SIK3: variants seen among roughly 807,000 people sequenced by gnomAD.
The protein encoded by SIK3 is SIK family kinase 3.
A neutral mutation model predicts 144.2 loss-of-function variants in SIK3; 28 were observed. The observed-to-expected ratio is 0.19, with a 90% CI of 0.14 to 0.27. The LOEUF is 0.27. Ranked by LOEUF, SIK3 falls within the 10% of genes least tolerant of loss-of-function variation. The pLI is 1.00. For missense variants in SIK3, 1,319 were observed against 1,776.0 expected, an observed-to-expected ratio of 0.74 and a Z score of 4.62; for synonymous variants, 686 against 676.3, an observed-to-expected ratio of 1.01 and a Z score of -0.22.
chr11:116,860,722 A>G (rs1169831708), intron 19 of SIK3, among the ~76,000 whole-genome samples: 1 of 148,146 alleles, frequency 6.8e-6, no homozygotes. Context: ...GAGAAGTAAT[A>G]TGGTTTGGCT....
intron 1 of SIK3, among the ~76,000 whole-genome samples, chr11:117,018,069 G>A (rs1951609802): frequency 6.6e-6 from 1 of 152,120 alleles, no homozygotes; most frequent in Non-Finnish European, 1.5e-5. Flanking sequence ...TATGAGAACA[G>A]AGGAAACCCC....
intron 3 of SIK3, among the ~76,000 whole-genome samples, 166 bp downstream of exon 3, chr11:116,953,878 C>T (rs1017109492): frequency 6.6e-6 from 1 of 152,180 alleles, no homozygotes; most frequent in Non-Finnish European, 1.5e-5. Flanking sequence ...AGGGATTTTA[C>T]TAGATTAATC....
chr11:117,004,475 C>T (rs1950970064), intron 1 of SIK3, among the ~76,000 whole-genome samples: 1 of 152,044 alleles, frequency 6.6e-6, no homozygotes. Context: ...AAGATTGTGC[C>T]ACTGCACTCC....
At chr11:116,851,570 G>A (rs752337999) in intron 21 of SIK3, among the ~76,000 whole-genome samples, 1 of 152,164 alleles carries the variant, frequency 6.6e-6, no homozygotes, top group Non-Finnish European at 1.5e-5. Context: ...AATTAGAGGA[G>A]GGAGCTTCCC....
chr11:116,966,648 T>A (rs1227875765), intron 1 of SIK3, among the ~76,000 whole-genome samples: 1 of 151,786 alleles, frequency 6.6e-6, no homozygotes, highest in Non-Finnish European at 1.5e-5. Flanking sequence ...GTGTTCAACC[T>A]ACAACTTATA....
intron 3 of SIK3, among the ~76,000 whole-genome samples, chr11:116,947,049 T>C (rs1037632357): frequency 1.3e-5 from 2 of 148,724 alleles, no homozygotes; most frequent in African/African-American, 5.0e-5. Flanking sequence ...GACGTGGAGC[T>C]TGCAGTGAGC....
chr11:116,939,991 A>T (rs1160251588), intron 3 of SIK3, among the ~76,000 whole-genome samples: 3 of 152,204 alleles, frequency 2.0e-5, no homozygotes, highest in Non-Finnish European at 4.4e-5. Context: ...AGAAAGCTAA[A>T]CATGCCCTGG....
chr11:116,875,583 G>A (rs376560460), intron 9 of SIK3, 132 bp from the exon 10 acceptor site: 71 of 998,182 alleles, frequency 7.1e-5, no homozygotes, highest in East Asian at 4.2e-4. Context: ...TCGGCCCTTA[G>A]AAGTCACAAC....
At position 116,849,712 on chromosome 11, in the gene SIK3, C is replaced by G. The variant is rs1942281253; in HGVS notation, c.3656-429G>C. 6.6e-6 allele frequency among the ~76,000 whole-genome samples: 1 copy of G among 152,088 alleles called. No individual in the cohort carries two copies. The highest frequency in any genetic ancestry group is 1.5e-5 in the Non-Finnish European group (1 of 68,018). On this transcript the variant is annotated intron_variant, in intron 21 of 24. Transcript: ENST00000445177. This position sits in a 1 kb window ranked among gnomAD's most constrained non-coding sequence, Gnocchi z 4.2. Reference sequence around the variant, plus strand: ...GACCTCAGTGTACCACGCTGCTACTCTCCTCTTTCTACTTCTCTAACTGCT... The same window carrying G: ...GACCTCAGTGTACCACGCTGCTACTGTCCTCTTTCTACTTCTCTAACTGCT...
In SIK3 at chr11:117,091,595, T is replaced by C. The variant is rs146957888; in HGVS notation, c.273+6548A>G. 8.7e-4 allele frequency among the ~76,000 whole-genome samples: 133 copies of C among 152,332 alleles called. 1 individual carries two copies. The highest frequency in any genetic ancestry group is 2.9e-3 in the African/African-American group (120 of 41,582). On this transcript the variant is annotated intron_variant, in intron 1 of 24. Coordinates refer to ENST00000445177, the MANE Select transcript of SIK3 (RefSeq NM_001366686.3). ...TAGAACCTCTCTAAGGTCTTTTTCATGCCCAATAAATCAACAAATACTTGT... is the reference window on the plus strand; with the variant it reads ...TAGAACCTCTCTAAGGTCTTTTTCACGCCCAATAAATCAACAAATACTTGT...
At chr11:117,010,879 G>A (rs1951223628) in intron 1 of SIK3, among the ~76,000 whole-genome samples, 1 of 152,164 alleles carries the variant, frequency 6.6e-6, no homozygotes, top group Non-Finnish European at 1.5e-5. Context: ...CAGCACTTTG[G>A]AAGGCCGAGG....
intron 4 of SIK3, among the ~76,000 whole-genome samples, chr11:116,915,038 A>G (rs1946545360): frequency 6.6e-6 from 1 of 152,152 alleles, no homozygotes; most frequent in African/African-American, 2.4e-5. Context: ...ATCCCATCAT[A>G]CAAGTGACCC....
intron 1 of SIK3, among the ~76,000 whole-genome samples, chr11:117,020,248 C>CAT (rs371319307): frequency 0.052 from 5,100 of 97,724 alleles, 186 homozygotes; most frequent in African/African-American, 0.11. Context: ...TATATATATA[C>CAT]ACATACATAT....
At chr11:117,066,088 GA>G (rs1954002653) in intron 1 of SIK3, among the ~76,000 whole-genome samples, 1 of 77,596 alleles carries the variant, frequency 1.3e-5, no homozygotes, top group Admixed American at 1.5e-4. Flanking sequence ...TTTTTTTTTT[GA>G]GATGGAGTTT....
chr11:117,041,701 G>C (rs1448237489), intron 1 of SIK3, among the ~76,000 whole-genome samples: 1 of 152,082 alleles, frequency 6.6e-6, no homozygotes, highest in Non-Finnish European at 1.5e-5. Flanking sequence ...TTTACCCTAA[G>C]AGGCAAGTAA....
chr11:116,889,667 G>A (rs1412871748), intron 6 of SIK3, among the ~76,000 whole-genome samples: 1 of 152,198 alleles, frequency 6.6e-6, no homozygotes, highest in Non-Finnish European at 1.5e-5. Flanking sequence ...AGGCCGTGGT[G>A]GGCGGACTGC....
chr11:116,847,814 G>A (rs1441768943), intron 22 of SIK3, among the ~76,000 whole-genome samples: 1 of 152,194 alleles, frequency 6.6e-6, no homozygotes, highest in Non-Finnish European at 1.5e-5. Flanking sequence ...TGGGGGGGCT[G>A]AGGGTGGGGC....
At chr11:116,910,589 G>C (rs2134946452) in intron 4 of SIK3, among the ~76,000 whole-genome samples, 1 of 152,202 alleles carries the variant, frequency 6.6e-6, no homozygotes, top group South Asian at 2.1e-4. Flanking sequence ...AGGAACACCG[G>C]AGTGCTGTAC....
intron 1 of SIK3, among the ~76,000 whole-genome samples, chr11:116,969,289 CAAAAAAAAAAA>C (rs60102923): frequency 6.8e-5 from 5 of 73,574 alleles, no homozygotes; most frequent in East Asian, 4.2e-4. Flanking sequence ...GACTCCGTCT[CAAAAAAAAAAA>C]AAAAAAAAAA....
Sources: gnomAD v4.1 joint callset for allele counts (sites outside exome capture counted in the v4.1 genomes callset) on GRCh38, gnomAD v4.1.1 for gene constraint, Gnocchi (gnomAD v3.1) non-coding constraint, MANE v1.5 for transcripts, NCBI Gene and HGNC (gene_info 2026-07-23, HGNC 2026-07-21) for gene names.